Variants in C11orf52 observed in about 807,000 individuals in gnomAD.
The protein encoded by C11orf52 is uncharacterized protein C11orf52.
In C11orf52, 9 loss-of-function variants were observed where a neutral mutation model predicts 11.7. The ratio of observed to expected loss-of-function variants is 0.77; its 90% confidence interval spans 0.46 to 1.34. The LOEUF (loss-of-function observed/expected upper bound fraction) is 1.34, where lower values mean the gene tolerates loss of function less well. C11orf52 is among the 40% of genes most tolerant of loss of function. The pLI, the probability that C11orf52 is intolerant of heterozygous loss-of-function variation, is 0.00. For synonymous variants in C11orf52, 49 were observed against 57.4 expected (o/e 0.85, Z 0.66); for missense variants, 139 against 154.8 (o/e 0.90, Z 0.54).
intron 1 of C11orf52, among the ~76,000 whole-genome samples, chr11:111,920,570 C>T (rs1555166476): frequency 6.6e-6 from 1 of 151,536 alleles, no homozygotes; most frequent in Non-Finnish European, 1.5e-5. Flanking sequence ...TTGAGACCAG[C>T]CTGGGCAACA....
At chr11:111,924,841 G>C (rs1555166794) in intron 2 of C11orf52, among the ~76,000 whole-genome samples, 1 of 152,162 alleles carries the variant, frequency 6.6e-6, no homozygotes, top group Non-Finnish European at 1.5e-5. Context: ...AATAGCAAAG[G>C]GCCAGGCGTA....
intron 2 of C11orf52, 96 bp from the exon 3 acceptor site, chr11:111,925,557 A>C: frequency 8.1e-7 from 1 of 1,229,766 alleles, no homozygotes; most frequent in South Asian, 1.3e-5. Context: ...ATTAGACAGA[A>C]GCCTGCCGTT....
intron 2 of C11orf52, 45 bp from the exon 3 acceptor site, chr11:111,925,608 G>A (rs1347018357): frequency 1.3e-6 from 2 of 1,584,944 alleles, no homozygotes; most frequent in Admixed American, 3.3e-5. Flanking sequence ...TCTCAGTAGA[G>A]ACAGGGAAGA....
chr11:111,923,866 G>C (rs1010333542), intron 1 of C11orf52: 3 of 152,466 alleles, frequency 2.0e-5, no homozygotes, highest in African/African-American at 7.2e-5. Context: ...AGCCCTGGTT[G>C]TGGCAACTTC....
At chr11:111,920,567 C>T (rs1555166475) in intron 1 of C11orf52, among the ~76,000 whole-genome samples, 1 of 151,736 alleles carries the variant, frequency 6.6e-6, no homozygotes. Context: ...AGTTTGAGAC[C>T]AGCCTGGGCA....
intron 1 of C11orf52, among the ~76,000 whole-genome samples, chr11:111,920,537 T>A (rs151284311): frequency 2.6e-3 from 385 of 149,906 alleles, no homozygotes; most frequent in African/African-American, 8.9e-3. Context: ...GACTATGTCT[T>A]GAAAAAAAAA....
rs1566432257 is a variant in C11orf52 at position 111,926,451 on chromosome 11, A to T, written c.*252A>T. 1 of 569,162 alleles carries T rather than the reference A, an allele frequency of 1.8e-6. No individual in the cohort carries two copies. Among genetic ancestry groups the T allele is most frequent in the East Asian group, 3.0e-5 (1 of 32,864 alleles). The allele number at this position is 569,162 out of a possible 1,614,324, so 35.3% of individuals were successfully genotyped here. ...TAGCTATCCACATGAGGTTAGGTGG[A>T]GTGTGCAGGGAGGTAGGTCTTCGAC... On this transcript the variant is annotated 3_prime_UTR_variant, in exon 4 of 4. Coordinates refer to ENST00000278601, the MANE Select transcript of C11orf52 (RefSeq NM_080659.3).
intron 1 of C11orf52, among the ~76,000 whole-genome samples, chr11:111,920,587 G>C (rs1424335102): frequency 6.6e-6 from 1 of 151,294 alleles, no homozygotes; most frequent in African/African-American, 2.4e-5. Flanking sequence ...AACATAGGGT[G>C]GCCCCATCTC....
At chr11:111,923,875 T>C (rs1293972064) in intron 1 of C11orf52, among the ~76,000 whole-genome samples, 1 of 151,974 alleles carries the variant, frequency 6.6e-6, no homozygotes, top group African/African-American at 2.4e-5. Flanking sequence ...TGTGGCAACT[T>C]CCATGACTCC....
rs187040992 is a variant in C11orf52, at chr11:111,924,379, G to C, written c.70+16G>C. ...AAGAAAACAGGTAACTTTGGGGCTG[G>C]GGGAGGGAATCTGGGGGAGGCAAAT... On this transcript the variant is annotated intron_variant, in intron 2 of 3. Transcript: ENST00000278601. The C allele has an allele frequency of 1.2e-6, 2 of 1,610,382 alleles. No individual in the cohort carries two copies. The highest frequency in any genetic ancestry group is 4.5e-5 in the East Asian group (2 of 44,864).
In C11orf52 at chr11:111,923,920, G is replaced by GA. The variant is rs149626679; in HGVS notation, c.33-396dup. Among the ~76,000 whole-genome samples the GA allele has an allele frequency of 3.1e-3, 463 of 147,314 alleles. 4 individuals carry two copies. The highest frequency in any genetic ancestry group is 0.016 in the Admixed American group (244 of 14,798). On this transcript the variant is annotated intron_variant, in intron 1 of 3. Coordinates refer to ENST00000278601, the MANE Select transcript of C11orf52 (RefSeq NM_080659.3). ...AGTCCCAGATTGGTAAAGACCCCAG[G>GA]AAAAAAAAAAGCACTGAAGAAGAGG...
intron 2 of C11orf52, among the ~76,000 whole-genome samples, chr11:111,924,747 TATC>T (rs1965759117): frequency 6.6e-6 from 1 of 152,230 alleles, no homozygotes; most frequent in Admixed American, 6.5e-5. Context: ...ACAGTTGTAA[TATC>T]ATCACTGGTG....
rs587764038 is a variant in C11orf52, at chr11:111,923,337, C to G, written c.33-989C>G. 1.2e-3 allele frequency among the ~76,000 whole-genome samples: 176 copies of G among 152,302 alleles called. 1 individual carries two copies. Among genetic ancestry groups the G allele is most frequent in the African/African-American group, 3.8e-3 (158 of 41,560 alleles). On this transcript the variant is annotated intron_variant, in intron 1 of 3. Transcript: ENST00000278601. ...AAAAATCACATCAAAACAGAAACCTCTGTCAAATATGTGTGGAAAAATCCT... is the reference window on the plus strand; with the variant it reads ...AAAAATCACATCAAAACAGAAACCTGTGTCAAATATGTGTGGAAAAATCCT...
intron 1 of C11orf52, among the ~76,000 whole-genome samples, chr11:111,921,191 T>C (rs1172467557): frequency 6.6e-6 from 1 of 152,234 alleles, no homozygotes; most frequent in Admixed American, 6.5e-5. Flanking sequence ...TTTGGAGTAG[T>C]ACATTGGATT....
intron 1 of C11orf52, among the ~76,000 whole-genome samples, chr11:111,920,538 GA>G (rs782071149): frequency 1.6e-4 from 23 of 143,990 alleles, no homozygotes; most frequent in East Asian, 2.0e-4. Context: ...ACTATGTCTT[GA>G]AAAAAAAAAA....
In C11orf52 at chr11:111,919,411, T is replaced by G. The variant is rs587688047; in HGVS notation, c.32+407T>G. 3.9e-5 allele frequency among the ~76,000 whole-genome samples: 6 copies of G among 152,130 alleles called. No homozygotes were observed. The South Asian group carries it at 1.2e-3, about 32-fold the overall frequency. ...TCGCTTGAATCCGGAAGGCGGAGGT[T>G]GCAGTGAGCCGAGATCGCGCCACTG... On this transcript the variant is annotated intron_variant, in intron 1 of 3. Coordinates refer to ENST00000278601, the MANE Select transcript of C11orf52 (RefSeq NM_080659.3).
In C11orf52 at chr11:111,926,073, A is replaced by G. The variant is rs782053703; in HGVS notation, c.246A>G (p.Gln82=). 3 of 1,614,130 alleles carry G rather than the reference A, an allele frequency of 1.9e-6. No individual in the cohort carries two copies. The highest frequency in any genetic ancestry group is 2.2e-5 in the East Asian group (1 of 44,906). The change falls in exon 4 of 4, where the codon CAA becomes CAG. Residue 82 remains glutamine (Q), a synonymous_variant. Coordinates refer to ENST00000278601, the MANE Select transcript of C11orf52 (RefSeq NM_080659.3). ...EDSNLHYADI[Q]VCSRPHAREV... Reference sequence around the variant, plus strand: ...GCAACTTACATTATGCTGACATTCAAGTGTGCAGCCGTCCCCATGCCCGGG... The same window carrying G: ...GCAACTTACATTATGCTGACATTCAGGTGTGCAGCCGTCCCCATGCCCGGG...
chr11:111,918,923 A>C lies in C11orf52; in HGVS notation c.-50A>C. On this transcript the variant is annotated 5_prime_UTR_variant, in exon 1 of 4. Transcript: ENST00000278601. Reference sequence around the variant, plus strand: ...CTCAACCAGGAACCCGGAAATGCACAAGCCTCTTGATGCATAAAAACAGCT... The same window carrying C: ...CTCAACCAGGAACCCGGAAATGCACCAGCCTCTTGATGCATAAAAACAGCT... 1 of 1,609,354 alleles carries C rather than the reference A, an allele frequency of 6.2e-7. No individual in the cohort carries two copies. The highest frequency in any genetic ancestry group is 8.5e-7 in the Non-Finnish European group (1 of 1,175,782).
intron 1 of C11orf52, among the ~76,000 whole-genome samples, chr11:111,920,222 A>G (rs929098009): frequency 3.3e-5 from 5 of 151,774 alleles, no homozygotes; most frequent in Admixed American, 1.3e-4. Flanking sequence ...AAATAGAATA[A>G]AATAAAATAA....
Sources: gnomAD v4.1 joint callset for allele counts (sites outside exome capture counted in the v4.1 genomes callset) on GRCh38, gnomAD v4.1.1 for gene constraint, MANE v1.5 for transcripts, NCBI Gene and HGNC (gene_info 2026-07-23, HGNC 2026-07-21) for gene names.